The following FHIT variants were observed in gnomAD, a reference collection of about 807,000 sequenced individuals.
FHIT encodes bis(5'-adenosyl)-triphosphatase.
In FHIT, 19 loss-of-function variants were observed where a neutral mutation model predicts 17.9. The ratio of observed to expected loss-of-function variants is 1.06; its 90% CI spans 0.74 to 1.56. FHIT has a LOEUF of 1.56. FHIT is among the 40% of genes most tolerant of loss of function. The pLI, the probability that FHIT is intolerant of heterozygous loss-of-function variation, is 0.00. For synonymous variants in FHIT, 81 were observed against 69.7 expected, an observed-to-expected ratio of 1.16 and a Z score of -0.81; for missense variants, 248 against 189.2, an observed-to-expected ratio of 1.31 and a Z score of -1.82.
At chr3:60,701,248 A>C (rs9840107) in intron 4 of FHIT, among the ~76,000 whole-genome samples, 17,679 of 151,616 alleles carry the variant, frequency 0.12, 2,284 homozygotes, top group African/African-American at 0.32. Flanking sequence ...CTCAGCCTCC[A>C]AAGTAGCTGG....
chr3:59,777,162 C>G (rs1238290240), intron 8 of FHIT, among the ~76,000 whole-genome samples: 4 of 152,094 alleles, frequency 2.6e-5, no homozygotes, highest in Non-Finnish European at 5.9e-5. Flanking sequence ...TCAGGGTGGC[C>G]CACGCTTGAT....
chr3:61,104,241 A>G (rs1471465527), intron 2 of FHIT, among the ~76,000 whole-genome samples: 1 of 152,096 alleles, frequency 6.6e-6, no homozygotes, highest in Non-Finnish European at 1.5e-5. Flanking sequence ...TTCCTTCAGG[A>G]GATCTTGTAA....
intron 2 of FHIT, among the ~76,000 whole-genome samples, chr3:61,129,108 G>C (rs1296612660): frequency 6.6e-6 from 1 of 152,110 alleles, no homozygotes; most frequent in Non-Finnish European, 1.5e-5. Flanking sequence ...CAATGTCCTT[G>C]AGTCCAAAAA....
At chr3:60,277,999 C>G (rs1259020129) in intron 5 of FHIT, among the ~76,000 whole-genome samples, 1 of 152,110 alleles carries the variant, frequency 6.6e-6, no homozygotes, top group African/African-American at 2.4e-5. Flanking sequence ...AAACTAGTAT[C>G]CCCAAATTTG....
chr3:59,767,125 C>T (rs758890293), intron 8 of FHIT, among the ~76,000 whole-genome samples: 2 of 152,140 alleles, frequency 1.3e-5, no homozygotes, highest in African/African-American at 2.4e-5. Flanking sequence ...CTACTTACAA[C>T]AGGAGGGGGT....
chr3:60,368,938 T>C (rs1167208163), intron 5 of FHIT, among the ~76,000 whole-genome samples: 2 of 152,088 alleles, frequency 1.3e-5, no homozygotes, highest in Admixed American at 6.6e-5. Flanking sequence ...GGCTGTTAAC[T>C]CCATTCAGTA....
chr3:60,474,451 G>A (rs1416334643), intron 5 of FHIT, among the ~76,000 whole-genome samples: 1 of 152,098 alleles, frequency 6.6e-6, no homozygotes, highest in Non-Finnish European at 1.5e-5. Flanking sequence ...ATTTTATAGA[G>A]CTAAATTGAT....
At chr3:60,677,667 C>T (rs1553695743) in intron 4 of FHIT, among the ~76,000 whole-genome samples, 1 of 151,790 alleles carries the variant, frequency 6.6e-6, no homozygotes, top group African/African-American at 2.4e-5. Flanking sequence ...TATGTATACA[C>T]TTATATACAC....
chr3:60,842,507 T>A (rs1408863519), intron 3 of FHIT, among the ~76,000 whole-genome samples: 1 of 151,240 alleles, frequency 6.6e-6, no homozygotes, highest in African/African-American at 2.4e-5. Context: ...AAGGTATATG[T>A]GATATTTTTT....
chr3:60,583,377 A>G (rs1437652977), intron 4 of FHIT, among the ~76,000 whole-genome samples: 3 of 151,936 alleles, frequency 2.0e-5, no homozygotes, highest in Non-Finnish European at 4.4e-5. Flanking sequence ...CGTTTTCTGT[A>G]AAGAGCTGGA....
At chr3:60,344,826 A>C (rs754104689) in intron 5 of FHIT, among the ~76,000 whole-genome samples, 2 of 152,108 alleles carry the variant, frequency 1.3e-5, no homozygotes, top group African/African-American at 2.4e-5. Flanking sequence ...CACTTCAAAG[A>C]ATTTTATTAG....
At chr3:60,687,428 T>A (rs1020751502) in intron 4 of FHIT, among the ~76,000 whole-genome samples, 4 of 152,038 alleles carry the variant, frequency 2.6e-5, no homozygotes, top group African/African-American at 7.2e-5. Flanking sequence ...TAGAAAAAAA[T>A]TTGGTTTTTG....
intron 7 of FHIT, among the ~76,000 whole-genome samples, chr3:59,953,861 G>A (rs1707252703): frequency 6.6e-6 from 1 of 152,224 alleles, no homozygotes; most frequent in African/African-American, 2.4e-5. Context: ...ACCTACTGGT[G>A]TACCCCCTTC....
intron 2 of FHIT, among the ~76,000 whole-genome samples, chr3:61,123,833 T>C (rs1308341719): frequency 6.6e-6 from 1 of 152,114 alleles, no homozygotes; most frequent in Non-Finnish European, 1.5e-5. Flanking sequence ...CAACATGATA[T>C]CACTGAAAAG....
At chr3:60,099,414 T>C (rs530522831) in intron 5 of FHIT, among the ~76,000 whole-genome samples, 120 of 152,294 alleles carry the variant, frequency 7.9e-4, no homozygotes, top group African/African-American at 2.8e-3. Flanking sequence ...CCTCATTTCA[T>C]AGATGAGGCC....
At chr3:61,012,551 T>C (rs560189417) in intron 3 of FHIT, among the ~76,000 whole-genome samples, 2 of 152,172 alleles carry the variant, frequency 1.3e-5, no homozygotes, top group East Asian at 1.9e-4. Flanking sequence ...AACTGAAAAA[T>C]TGGGATTGTG....
At chr3:60,447,591 T>C (rs568710203) in intron 5 of FHIT, among the ~76,000 whole-genome samples, 7 of 152,254 alleles carry the variant, frequency 4.6e-5, no homozygotes, top group Middle Eastern at 3.4e-3. Context: ...TTTGGAGTAC[T>C]TGAGATGCTC....
intron 5 of FHIT, among the ~76,000 whole-genome samples, chr3:60,300,410 A>G (rs1459799768): frequency 3.3e-5 from 5 of 152,112 alleles, no homozygotes; most frequent in Non-Finnish European, 7.4e-5. Context: ...CAAAGTGGGG[A>G]GGATTAGAGT....
At chr3:60,311,221 C>G (rs1708927041) in intron 5 of FHIT, among the ~76,000 whole-genome samples, 1 of 150,698 alleles carries the variant, frequency 6.6e-6, no homozygotes, top group Admixed American at 6.7e-5. Context: ...TAACAGTACA[C>G]CTCCATGCCC....
Sources: gnomAD v4.1 joint callset for allele counts (sites outside exome capture counted in the v4.1 genomes callset) on GRCh38, gnomAD v4.1.1 for gene constraint, MANE v1.5 for transcripts, NCBI Gene and HGNC (gene_info 2026-07-23, HGNC 2026-07-21) for gene names.